The following CERS6 variants were observed in gnomAD, a reference collection of about 807,000 sequenced individuals.
CERS6 encodes the protein LAG1 homolog, ceramide synthase 6.
A neutral mutation model predicts 56.8 loss-of-function variants in CERS6; 26 were observed. The observed-to-expected ratio is 0.46, with a 90% CI of 0.34 to 0.63. The LOEUF (loss-of-function observed/expected upper bound fraction) is 0.63. Among genes scored for constraint, CERS6 ranks in the 30% least tolerant of loss-of-function variants. CERS6 has a pLI of 0.01. For missense variants in CERS6, 415 were observed against 467.5 expected, an observed-to-expected ratio of 0.89 and a Z score of 1.04; for synonymous variants, 164 against 173.3, an observed-to-expected ratio of 0.95 and a Z score of 0.42.
chr2:168,744,157 C>A (rs963036821), intron 8 of CERS6, among the ~76,000 whole-genome samples: 1 of 151,634 alleles, frequency 6.6e-6, no homozygotes, highest in Non-Finnish European at 1.5e-5. Flanking sequence ...AGGCACCCAC[C>A]ACCACGCCCG....
chr2:168,464,312 C>A (rs1216351675), intron 1 of CERS6, among the ~76,000 whole-genome samples: 4 of 151,826 alleles, frequency 2.6e-5, no homozygotes, highest in Non-Finnish European at 5.9e-5. Context: ...ATGCCTCAGC[C>A]CCCCAAGTAG....
In CERS6 at chr2:168,682,261, G is replaced by A. The variant is rs531448729; in HGVS notation, c.466-8773G>A. 1.2e-4 allele frequency among the ~76,000 whole-genome samples: 18 copies of A among 151,898 alleles called. No individual in the cohort carries two copies. In the South Asian group the frequency reaches 2.3e-3, roughly 19 times the overall value. On this transcript the variant is annotated intron_variant, in intron 4 of 9. Transcript: ENST00000305747. ...TATCCAGATAAGACTTGTTCATTGC[G>A]GAAAAATTATAGCTATGACAATATG...
At chr2:168,645,274 A>G (rs1006718186) in intron 4 of CERS6, among the ~76,000 whole-genome samples, 2 of 149,658 alleles carry the variant, frequency 1.3e-5, no homozygotes, top group East Asian at 3.9e-4. Flanking sequence ...TTACCCAAGA[A>G]GAATGACTAC....
chr2:168,509,028 C>T (rs1369696739), intron 1 of CERS6, among the ~76,000 whole-genome samples: 3 of 152,022 alleles, frequency 2.0e-5, no homozygotes, highest in African/African-American at 7.2e-5. Context: ...AAGTGGTAAT[C>T]CCATTTTCTC....
intron 1 of CERS6, among the ~76,000 whole-genome samples, chr2:168,528,563 C>T (rs916560587): frequency 6.6e-6 from 1 of 152,270 alleles, no homozygotes; most frequent in Admixed American, 6.5e-5. Context: ...GGGAGAGTAA[C>T]CTCTAAGCTA....
At chr2:168,604,125 T>G (rs915780535) in intron 3 of CERS6, among the ~76,000 whole-genome samples, 4 of 152,228 alleles carry the variant, frequency 2.6e-5, no homozygotes, top group African/African-American at 9.6e-5. Flanking sequence ...AAACAAAGAT[T>G]TAAATATTTT....
Position 168,616,411 on chromosome 2 carries a change from C to A in CERS6, c.408-14574C>A, listed in dbSNP as rs200934762. ...CAATACTAACATTGAATGTAAATGG[C>A]CTAAGTGCTCCACTTAAAAGATACG... is the stretch of plus-strand genomic sequence containing the variant. On this transcript the variant is annotated intron_variant, in intron 3 of 9. Transcript: ENST00000305747. Among the ~76,000 whole-genome samples the A allele has an allele frequency of 1.1e-4, 17 of 152,184 alleles. No homozygotes were observed. In the East Asian group the frequency reaches 3.3e-3, roughly 29 times the overall value.
chr2:168,635,183 T>C (rs1299260869), intron 4 of CERS6, among the ~76,000 whole-genome samples: 2 of 152,138 alleles, frequency 1.3e-5, no homozygotes, highest in Non-Finnish European at 2.9e-5. Context: ...GCACTGCCAC[T>C]GTGAGGACAA....
Position 168,601,348 on chromosome 2 carries a change from G to T in CERS6, c.408-29637G>T, listed in dbSNP as rs558684015. ...GTTTCTCTCTGTGATGTTAACTCAT[G>T]ATTTAAATTAAACTTAATTTGCATT... On this transcript the variant is annotated intron_variant, in intron 3 of 9. Transcript: ENST00000305747. Among the ~76,000 whole-genome samples, 3 of 152,258 alleles carry T rather than the reference G, an allele frequency of 2.0e-5. No individual in the cohort carries two copies. The South Asian group carries it at 6.2e-4, about 32-fold the overall frequency.
intron 1 of CERS6, among the ~76,000 whole-genome samples, chr2:168,528,027 G>T (rs1488377092): frequency 6.6e-6 from 1 of 151,786 alleles, no homozygotes; most frequent in African/African-American, 2.4e-5. Flanking sequence ...CAGCCTCCAT[G>T]AGCCCTTTTT....
chr2:168,623,218 A>G (rs1016360193), intron 3 of CERS6, among the ~76,000 whole-genome samples: 1 of 152,210 alleles, frequency 6.6e-6, no homozygotes, highest in Non-Finnish European at 1.5e-5. Flanking sequence ...AGTTGAACTC[A>G]TGGAAACAGT....
Position 168,727,710 on chromosome 2 carries a change from T to C in CERS6, c.845+9732T>C, listed in dbSNP as rs1683390504. Among the ~76,000 whole-genome samples the C allele has an allele frequency of 1.3e-5, 2 of 152,212 alleles. 1 individual carries two copies. The highest frequency in any genetic ancestry group is 4.1e-4 in the South Asian group (2 of 4,836). ...AAGTGGCATGGCTTATATGCTTTTCTGAATTGTTGATAAGGAACAGATTAG... is the reference window on the plus strand; with the variant it reads ...AAGTGGCATGGCTTATATGCTTTTCCGAATTGTTGATAAGGAACAGATTAG... On this transcript the variant is annotated intron_variant, in intron 8 of 9. Transcript: ENST00000305747.
At chr2:168,663,254 ATTAGT>A (rs949489461) in intron 4 of CERS6, among the ~76,000 whole-genome samples, 1 of 152,178 alleles carries the variant, frequency 6.6e-6, no homozygotes, top group African/African-American at 2.4e-5. Context: ...AAAATGCATT[ATTAGT>A]TCAGTTGATG....
chr2:168,459,810 A>G (rs1345129715), intron 1 of CERS6, among the ~76,000 whole-genome samples: 1 of 152,204 alleles, frequency 6.6e-6, no homozygotes, highest in Non-Finnish European at 1.5e-5. Context: ...ATTCTCAGGA[A>G]CTATAATAAA....
At chr2:168,641,368 A>G (rs903129881) in intron 4 of CERS6, among the ~76,000 whole-genome samples, 1 of 152,154 alleles carries the variant, frequency 6.6e-6, no homozygotes, top group Non-Finnish European at 1.5e-5. Flanking sequence ...CAAAGTCCCC[A>G]GCTTTTCCTC....
At position 168,773,235 on chromosome 2, in the gene CERS6, G is replaced by A. The variant is rs1453969334; in HGVS notation, c.*3573G>A. 6.6e-6 allele frequency: 1 copy of A among 152,034 alleles called. No homozygotes were observed. Among genetic ancestry groups the A allele is most frequent in the African/African-American group, 2.4e-5 (1 of 41,352 alleles). 9.4% of individuals were successfully genotyped at this position (152,034 alleles called of 1,614,324 possible). On this transcript the variant is annotated 3_prime_UTR_variant, in exon 10 of 10. Transcript: ENST00000305747. ...TGCCAAAGTTGCCTGAACATTGGGCGGTTTTCTTAATTTGAAGTATAAAAA... is the reference window on the plus strand; with the variant it reads ...TGCCAAAGTTGCCTGAACATTGGGCAGTTTTCTTAATTTGAAGTATAAAAA...
chr2:168,541,937 ATG>A (rs1490632782), intron 1 of CERS6, among the ~76,000 whole-genome samples: 1 of 151,940 alleles, frequency 6.6e-6, no homozygotes, highest in Non-Finnish European at 1.5e-5. Context: ...TAGAAAGAGG[ATG>A]TGTTTTTCTA....
intron 8 of CERS6, among the ~76,000 whole-genome samples, chr2:168,735,019 G>T (rs527614094): frequency 6.6e-6 from 1 of 152,262 alleles, no homozygotes; most frequent in Admixed American, 6.5e-5. Flanking sequence ...TAGGCCACAG[G>T]AGTTAAACAT....
At chr2:168,479,887 C>G (rs1253777933) in intron 1 of CERS6, among the ~76,000 whole-genome samples, 1 of 152,198 alleles carries the variant, frequency 6.6e-6, no homozygotes, top group African/African-American at 2.4e-5. Context: ...AGATTACAGG[C>G]ATGAGCCACG....
Sources: gnomAD v4.1 joint callset for allele counts (sites outside exome capture counted in the v4.1 genomes callset) on GRCh38, gnomAD v4.1.1 for gene constraint, MANE v1.5 for transcripts, NCBI Gene and HGNC (gene_info 2026-07-23, HGNC 2026-07-21) for gene names.